The following FBXL13 variants were observed in gnomAD, a reference collection of about 807,000 sequenced individuals.
The protein encoded by FBXL13 is F-box and leucine-rich repeat protein 13.
In FBXL13, 67 loss-of-function variants were observed where a neutral mutation model predicts 83.6. The ratio of observed to expected loss-of-function variants is 0.80; its 90% CI spans 0.66 to 0.98. The LOEUF (loss-of-function observed/expected upper bound fraction) is 0.98. Ranked by LOEUF, FBXL13 falls within the 50% of genes least tolerant of loss-of-function variation. The probability of loss-of-function intolerance (pLI) is 0.00; values close to 1 mark genes in which losing one functional copy is unlikely to be tolerated. For synonymous variants in FBXL13, 272 were observed against 299.5 expected, an observed-to-expected ratio of 0.91 and a Z score of 0.95; for missense variants, 822 against 866.5, an observed-to-expected ratio of 0.95 and a Z score of 0.64.
At chr7:102,926,789 C>G (rs1818222377) in intron 9 of FBXL13, among the ~76,000 whole-genome samples, 1 of 152,186 alleles carries the variant, frequency 6.6e-6, no homozygotes, top group African/African-American at 2.4e-5. Flanking sequence ...ACACTCTCAA[C>G]AATGGAACTT....
chr7:102,995,478 C>CAA lies in FBXL13; in HGVS notation c.496-27363_496-27362dup, dbSNP rs1158263069. Among the ~76,000 whole-genome samples the CAA allele has an allele frequency of 1.2e-3, 34 of 28,578 alleles. 1 individual carries two copies. The highest frequency in any genetic ancestry group is 2.8e-3 in the African/African-American group (17 of 6,116). The allele number at this position is 28,578 out of a possible 152,430, so 18.7% of individuals were successfully genotyped here. A position where few individuals can be genotyped will look rare whatever the true frequency, so the allele number is the denominator to read the frequency against. On this transcript the variant is annotated intron_variant, in intron 6 of 19. Transcript: ENST00000313221. ...CCTGGATGACAGCGAGACTCCATCT[C>CAA]AAAAAAAAAAAAAAAAAAAAAAAAA...
At chr7:102,874,853 C>T (rs551122545) in intron 16 of FBXL13, among the ~76,000 whole-genome samples, 44 of 152,308 alleles carry the variant, frequency 2.9e-4, no homozygotes, top group African/African-American at 1.0e-3. Context: ...AGGCATGAGC[C>T]ATCGTGCCTG....
rs998809635 is a variant in FBXL13, at chr7:103,042,763, C to T, written c.-1+12881G>A. Among the ~76,000 whole-genome samples, 8 of 152,144 alleles carry T rather than the reference C, an allele frequency of 5.3e-5. No individual in the cohort carries two copies. In the South Asian group the frequency reaches 1.7e-3, roughly 31 times the overall value. On this transcript the variant is annotated intron_variant, in intron 2 of 19. Transcript: ENST00000313221. ...AAATTGTGCTGAAAAAACTGGCTAG[C>T]CAAGTGTAGAAAGCTGAAACTGGAT...
At chr7:103,057,046 C>T (rs1797406754) in intron 1 of FBXL13, among the ~76,000 whole-genome samples, 1 of 152,010 alleles carries the variant, frequency 6.6e-6, no homozygotes, top group Admixed American at 6.6e-5. Context: ...TTTATAGATT[C>T]TGGATATTAG....
chr7:103,062,931 A>G (rs555463202), intron 1 of FBXL13, among the ~76,000 whole-genome samples: 1 of 152,350 alleles, frequency 6.6e-6, no homozygotes, highest in South Asian at 2.1e-4. Flanking sequence ...ATTTGCTGAT[A>G]GAATGTCCTA....
intron 17 of FBXL13, among the ~76,000 whole-genome samples, chr7:102,836,371 T>G (rs979397342): frequency 1.3e-5 from 2 of 152,204 alleles, no homozygotes; most frequent in African/African-American, 4.8e-5. Context: ...TAAACACATA[T>G]AAGTCATATT....
At chr7:102,940,932 T>C (rs1821306548) in intron 8 of FBXL13, among the ~76,000 whole-genome samples, 1 of 152,232 alleles carries the variant, frequency 6.6e-6, no homozygotes, top group Admixed American at 6.5e-5. Flanking sequence ...ACATTTTGAG[T>C]ACAACTGTTT....
chr7:102,998,581 G>A (rs867153187), intron 6 of FBXL13, among the ~76,000 whole-genome samples: 4 of 152,206 alleles, frequency 2.6e-5, no homozygotes, highest in South Asian at 4.1e-4. Context: ...AAATGCTACC[G>A]ATTTTAATAT....
At position 102,917,876 on chromosome 7, in the gene FBXL13, C is replaced by T. The variant is rs1324694366; in HGVS notation, c.879-4661G>A. On this transcript the variant is annotated intron_variant, in intron 10 of 19. Transcript: ENST00000313221. ...GGAATAAATAGAAAGTGTTTAGTTC[C>T]GGAAACATTTAGAGGCAACAAATTT... 3.3e-5 allele frequency among the ~76,000 whole-genome samples: 5 copies of T among 152,076 alleles called. No homozygotes were observed. In the South Asian group the frequency reaches 8.3e-4, roughly 25 times the overall value.
intron 6 of FBXL13, among the ~76,000 whole-genome samples, chr7:102,999,871 A>G (rs895693778): frequency 2.0e-5 from 3 of 151,058 alleles, no homozygotes; most frequent in African/African-American, 7.3e-5. Flanking sequence ...GATCATTTGC[A>G]TTTTTTCAGT....
intron 11 of FBXL13, among the ~76,000 whole-genome samples, chr7:102,900,406 C>A (rs1466424555): frequency 6.6e-6 from 1 of 151,984 alleles, no homozygotes; most frequent in Non-Finnish European, 1.5e-5. Flanking sequence ...TTTATTGAGA[C>A]CTTTTTTCTT....
At chr7:102,825,227 C>T (rs1301228030) in intron 18 of FBXL13, among the ~76,000 whole-genome samples, 2 of 152,022 alleles carry the variant, frequency 1.3e-5, no homozygotes, top group Non-Finnish European at 2.9e-5. Context: ...GAAACTTAAC[C>T]CAAGATGTGG....
At chr7:102,948,567 G>A (rs1313735495) in intron 8 of FBXL13, among the ~76,000 whole-genome samples, 2 of 151,312 alleles carry the variant, frequency 1.3e-5, no homozygotes, top group Non-Finnish European at 1.5e-5. Context: ...AGGACTACAG[G>A]TGCCCGCCAC....
chr7:102,931,767 T>C, intron 9 of FBXL13, 114 bp downstream of exon 10: 1 of 934,320 alleles, frequency 1.1e-6, no homozygotes, highest in Non-Finnish European at 1.6e-6. Flanking sequence ...CATAGTTTGC[T>C]CTTTTCCACA....
At chr7:103,060,862 C>T (rs1242598277) in intron 1 of FBXL13, among the ~76,000 whole-genome samples, 2 of 152,222 alleles carry the variant, frequency 1.3e-5, no homozygotes, top group African/African-American at 2.4e-5. Context: ...CTATCCCCTA[C>T]CCCAACCTCT....
intron 11 of FBXL13, among the ~76,000 whole-genome samples, chr7:102,895,234 G>A (rs1387938722): frequency 6.6e-6 from 1 of 152,180 alleles, no homozygotes; most frequent in Non-Finnish European, 1.5e-5. Context: ...AGAAGGCTGT[G>A]ATTGAACAGA....
At chr7:102,894,705 G>A (rs1034016172) in intron 11 of FBXL13, among the ~76,000 whole-genome samples, 2 of 150,688 alleles carry the variant, frequency 1.3e-5, no homozygotes, top group African/African-American at 4.9e-5. Context: ...CTACAGCCTG[G>A]GTCACAGAGA....
chr7:103,039,046 C>T (rs1235596518), intron 2 of FBXL13, among the ~76,000 whole-genome samples: 3 of 152,166 alleles, frequency 2.0e-5, no homozygotes, highest in Non-Finnish European at 4.4e-5. Context: ...CATGTTCTAA[C>T]CCATCCCAAG....
intron 6 of FBXL13, among the ~76,000 whole-genome samples, chr7:102,976,629 C>T (rs1310091678): frequency 6.6e-5 from 10 of 152,112 alleles, no homozygotes; most frequent in Admixed American, 2.0e-4. Flanking sequence ...CACCCTCAGT[C>T]GCAAAACACC....
Sources: allele counts gnomAD v4.1 joint callset (sites outside exome capture counted in the v4.1 genomes callset), GRCh38; gene constraint gnomAD v4.1.1; transcripts MANE v1.5; gene names NCBI Gene and HGNC (gene_info 2026-07-23, HGNC 2026-07-21).